Variants in SYTL3 observed in about 807,000 individuals in gnomAD.
SYTL3 encodes synaptotagmin-like protein 3.
A neutral mutation model predicts 82.1 loss-of-function variants in SYTL3; 88 were observed. The ratio of observed to expected loss-of-function variants is 1.07; its 90% CI spans 0.90 to 1.28. The LOEUF is 1.28. Among genes scored for constraint, SYTL3 ranks in the 50% most tolerant of loss-of-function variants. The pLI, the probability that SYTL3 is intolerant of heterozygous loss-of-function variation, is 0.00. For missense variants in SYTL3, 831 were observed against 757.6 expected (o/e 1.10, Z -1.14); for synonymous variants, 311 against 289.4 (o/e 1.07, Z -0.76).
In SYTL3 at chr6:158,665,375, T is replaced by C; in HGVS notation, c.111-20T>C. 1 of 1,559,506 alleles carries C rather than the reference T, an allele frequency of 6.4e-7. No individual in the cohort carries two copies. Among genetic ancestry groups the C allele is most frequent in the Non-Finnish European group, 8.7e-7 (1 of 1,151,256 alleles). ...AGGTGTTCCATCTAATACTATCTTC[T>C]TTAACTCTGAGGGCTGCAGGAAACT... On this transcript the variant is annotated intron_variant, in intron 4 of 17. Transcript: ENST00000611299.
At chr6:158,756,871 C>A (rs1414315348) in intron 13 of SYTL3, among the ~76,000 whole-genome samples, 1 of 151,514 alleles carries the variant, frequency 6.6e-6, no homozygotes, top group Non-Finnish European at 1.5e-5. Context: ...GTGAGCTGGA[C>A]AAGGACTTTC....
At chr6:158,685,446 G>T (rs1779193841) in intron 6 of SYTL3, among the ~76,000 whole-genome samples, 1 of 151,990 alleles carries the variant, frequency 6.6e-6, no homozygotes, top group South Asian at 2.1e-4. Flanking sequence ...GACCTCAAGT[G>T]ATCTGCCCAC....
chr6:158,665,594 A>G lies in SYTL3; in HGVS notation c.310A>G (p.Thr104Ala). The G allele has an allele frequency of 6.4e-7, 1 of 1,568,968 alleles. No homozygotes were observed. The highest frequency in any genetic ancestry group is 8.6e-7 in the Non-Finnish European group (1 of 1,156,526). The change falls in exon 5 of 18, where the codon ACG (threonine) becomes GCG (alanine). Residue 104 changes from threonine (T) to alanine (A), a missense_variant. Thr to Ala is a moderately conservative substitution (Grantham distance 58). Transcript: ENST00000611299. ...FLRGTHAWKC[T>A]VCFEDRNVKI... ...GAGGGGGACCCATGCCTGGAAGTGC[A>G]CGGTGTGCTTCGAGGACAGGTAAGC...
intron 7 of SYTL3, 131 bp downstream of exon 7, chr6:158,707,412 T>G: frequency 1.4e-6 from 1 of 689,880 alleles, no homozygotes; most frequent in Non-Finnish European, 2.3e-6. Flanking sequence ...TTTTTTTTTT[T>G]CTTTTAAAGA....
In SYTL3 at chr6:158,665,535, G is replaced by T; in HGVS notation, c.251G>T (p.Ser84Ile). 6.3e-7 allele frequency: 1 copy of T among 1,589,156 alleles called. No homozygotes were observed. ...CGGGGCGCCGTGTGCCGGGGCTGCA[G>T]CCACCGCGTGTGTGCCCAGTGCCGA... is the stretch of plus-strand genomic sequence containing the variant. ...LHRGAVCRGC[S>I]HRVCAQCRVF... Residue 84 changes from serine to isoleucine, a missense_variant, in exon 5 of 18, where the codon AGC (serine) becomes ATC (isoleucine). By Grantham distance (142) the Ser-to-Ile change is moderately radical. Coordinates refer to ENST00000611299, the MANE Select transcript of SYTL3 (RefSeq NM_001242394.2).
rs1214272559 is a variant in SYTL3 at position 158,702,346 on chromosome 6, A to AT, written c.395-4871dup. 1.2e-3 allele frequency among the ~76,000 whole-genome samples: 161 copies of AT among 136,646 alleles called. 1 individual carries two copies. The highest frequency in any genetic ancestry group is 3.9e-3 in the South Asian group (17 of 4,348). The allele number at this position is 136,646 out of a possible 152,430, so 89.6% of individuals were successfully genotyped here. On this transcript the variant is annotated intron_variant, in intron 6 of 17. Transcript: ENST00000611299. ...TGTCTCAAAAAAAAAAAAAAAAAAA[A>AT]TTTTTTTTTTTTTATAGGACATAGT...
chr6:158,733,772 A>G (rs894260386), intron 11 of SYTL3, among the ~76,000 whole-genome samples: 1 of 151,634 alleles, frequency 6.6e-6, no homozygotes, highest in African/African-American at 2.4e-5. Flanking sequence ...TCCATTGTTC[A>G]GGTGTGCTCT....
chr6:158,689,351 G>A (rs1583241766), intron 6 of SYTL3, among the ~76,000 whole-genome samples: 2 of 152,100 alleles, frequency 1.3e-5, no homozygotes, highest in African/African-American at 2.4e-5. Flanking sequence ...TTTTCTCATC[G>A]TTTTGATTTG....
intron 16 of SYTL3, among the ~76,000 whole-genome samples, chr6:158,762,499 A>G (rs1017379605): frequency 5.9e-5 from 9 of 152,144 alleles, no homozygotes; most frequent in South Asian, 2.1e-4. Flanking sequence ...AGTAAAACGC[A>G]TGACTGTCCA....
chr6:158,749,993 T>G (rs533447810), intron 12 of SYTL3, among the ~76,000 whole-genome samples: 1 of 152,296 alleles, frequency 6.6e-6, no homozygotes, highest in East Asian at 1.9e-4. Flanking sequence ...AGGGAAAAAC[T>G]AGGACATAAG....
intron 13 of SYTL3, among the ~76,000 whole-genome samples, chr6:158,754,715 G>T (rs1327524302): frequency 6.6e-6 from 1 of 152,172 alleles, no homozygotes; most frequent in Non-Finnish European, 1.5e-5. Flanking sequence ...GCGAGACTCC[G>T]TCTCAACAAA....
At chr6:158,718,741 C>T (rs148458148) in intron 10 of SYTL3, among the ~76,000 whole-genome samples, 1 of 152,384 alleles carries the variant, frequency 6.6e-6, no homozygotes, top group African/African-American at 2.4e-5. Context: ...CCAGGACTAA[C>T]CCAGCCTGGA....
At chr6:158,649,608 T>C (rs1321751420), upstream of SYTL3, among the ~76,000 whole-genome samples, 1 of 152,254 alleles carries the variant, frequency 6.6e-6, no homozygotes, top group East Asian at 1.9e-4. Context: ...CTTGGTGATT[T>C]CATTACAATC....
chr6:158,725,585 A>G lies in SYTL3; in HGVS notation c.803A>G (p.Asn268Ser). ...CSTNPILKQQ[N>S]LPSSPAPSTI... is the part of the protein sequence containing the mutation. ...ACTAACCCTATTTTGAAGCAACAGAATCTCCCATCCAGTCCGGCACCCAGT... is the reference window on the plus strand; with the variant it reads ...ACTAACCCTATTTTGAAGCAACAGAGTCTCCCATCCAGTCCGGCACCCAGT... The change falls in exon 11 of 18, where the codon AAT becomes AGT. Residue 268 changes from asparagine to serine, a missense_variant. Physicochemically the swap from Asn to Ser is conservative, Grantham distance 46. Coordinates refer to ENST00000611299, the MANE Select transcript of SYTL3 (RefSeq NM_001242394.2). 1 of 1,614,042 alleles carries G rather than the reference A, an allele frequency of 6.2e-7. No individual in the cohort carries two copies. The highest frequency in any genetic ancestry group is 8.5e-7 in the Non-Finnish European group (1 of 1,180,018).
At chr6:158,749,507 C>CA (rs1554264332) in intron 12 of SYTL3, among the ~76,000 whole-genome samples, 106 of 66,032 alleles carry the variant, frequency 1.6e-3, no homozygotes, top group Non-Finnish European at 2.7e-3. Context: ...TTCTTTCTCT[C>CA]TTTTTTTTTT....
At chr6:158,728,146 G>A (rs1413055965) in intron 11 of SYTL3, among the ~76,000 whole-genome samples, 1 of 152,108 alleles carries the variant, frequency 6.6e-6, no homozygotes, top group African/African-American at 2.4e-5. Context: ...GGTTAAGTCT[G>A]TGTCTCGTCC....
At chr6:158,704,422 G>A (rs529420740) in intron 6 of SYTL3, among the ~76,000 whole-genome samples, 1 of 152,390 alleles carries the variant, frequency 6.6e-6, no homozygotes, top group South Asian at 2.1e-4. Flanking sequence ...AGGAGCCGCA[G>A]CGGGGACGCG....
At chr6:158,703,852 T>TATTATG in intron 6 of SYTL3, among the ~76,000 whole-genome samples, 1 of 149,420 alleles carries the variant, frequency 6.7e-6, no homozygotes, top group African/African-American at 2.4e-5. Flanking sequence ...TTATTATTAT[T>TATTATG]ATTTTGAGAT....
intron 2 of SYTL3, among the ~76,000 whole-genome samples, chr6:158,656,359 G>A (rs1313079064): frequency 6.6e-6 from 1 of 152,186 alleles, no homozygotes; most frequent in Non-Finnish European, 1.5e-5. Context: ...TCGTTTGCCT[G>A]CAAGCAGGTG....
Sources: allele counts gnomAD v4.1 joint callset (sites outside exome capture counted in the v4.1 genomes callset), GRCh38; gene constraint gnomAD v4.1.1; transcripts MANE v1.5; gene names NCBI Gene and HGNC (gene_info 2026-07-23, HGNC 2026-07-21).